Variants in ADAMTS12 observed in about 807,000 individuals in gnomAD.
ADAMTS12 encodes the protein A disintegrin and metalloproteinase with thrombospondin motifs 12.
ADAMTS12 carries 118 observed loss-of-function variants against 167.8 expected under a neutral mutation model. That is an observed-to-expected ratio of 0.70 (90% CI 0.61 to 0.82). ADAMTS12 has a LOEUF of 0.82. ADAMTS12 is among the 40% of genes least tolerant of loss of function. The pLI, the probability that ADAMTS12 is intolerant of heterozygous loss-of-function variation, is 0.00. For missense variants in ADAMTS12, 1,916 were observed against 1,998.8 expected, an observed-to-expected ratio of 0.96 and a Z score of 0.79; for synonymous variants, 704 against 716.9, an observed-to-expected ratio of 0.98 and a Z score of 0.29.
chr5:33,571,191 A>G (rs1297275835), intron 19 of ADAMTS12, among the ~76,000 whole-genome samples: 2 of 152,166 alleles, frequency 1.3e-5, no homozygotes, highest in East Asian at 1.9e-4. Context: ...GATCAACGAG[A>G]CAGAAAGTTA....
chr5:33,563,692 G>A (rs1225740794), intron 19 of ADAMTS12, among the ~76,000 whole-genome samples: 1 of 152,200 alleles, frequency 6.6e-6, no homozygotes, highest in Non-Finnish European at 1.5e-5. Flanking sequence ...ACTGAATGAT[G>A]AGGCAAGTCA....
chr5:33,828,268 A>T (rs1226492143), intron 2 of ADAMTS12, among the ~76,000 whole-genome samples: 1 of 152,180 alleles, frequency 6.6e-6, no homozygotes, highest in Non-Finnish European at 1.5e-5. Flanking sequence ...TATTTTTCTG[A>T]ATCACTGAGT....
chr5:33,799,081 G>T lies in ADAMTS12; in HGVS notation c.490-47533C>A, dbSNP rs2112469438. The stretch of plus-strand genomic sequence containing the variant: ...GGCTCACAGGGCAAATATACAAGCA[G>T]TGGCTCAAGGCAGCGCATGAGGGAT... On this transcript the variant is annotated intron_variant, in intron 2 of 23. Transcript: ENST00000504830. Among the ~76,000 whole-genome samples the T allele has an allele frequency of 2.0e-5, 3 of 152,208 alleles. No homozygotes were observed. The South Asian group carries it at 6.2e-4, about 32-fold the overall frequency.
intron 14 of ADAMTS12, among the ~76,000 whole-genome samples, chr5:33,621,802 T>C (rs539871964): frequency 6.6e-6 from 1 of 152,206 alleles, no homozygotes; most frequent in Non-Finnish European, 1.5e-5. Context: ...GGTGTCTGGT[T>C]CAGATACAAA....
intron 5 of ADAMTS12, among the ~76,000 whole-genome samples, chr5:33,669,365 G>A (rs1239221225): frequency 6.6e-6 from 1 of 152,138 alleles, no homozygotes; most frequent in Non-Finnish European, 1.5e-5. Flanking sequence ...TGTTGCCCAT[G>A]GGGATGGGGA....
At chr5:33,536,674 C>T (rs1263229808) in intron 22 of ADAMTS12, among the ~76,000 whole-genome samples, 1 of 152,184 alleles carries the variant, frequency 6.6e-6, no homozygotes, top group African/African-American at 2.4e-5. Flanking sequence ...CCATTCTTTG[C>T]TATGCACAAT....
intron 2 of ADAMTS12, among the ~76,000 whole-genome samples, chr5:33,817,203 A>C (rs1747693463): frequency 1.3e-5 from 2 of 152,228 alleles, no homozygotes; most frequent in Non-Finnish European, 1.5e-5. Flanking sequence ...AAGAAACTCC[A>C]ATCTTGAAAC....
At chr5:33,669,015 T>A (rs1456060603) in intron 5 of ADAMTS12, among the ~76,000 whole-genome samples, 2 of 152,100 alleles carry the variant, frequency 1.3e-5, no homozygotes, top group Non-Finnish European at 2.9e-5. Context: ...AAAACAATAA[T>A]GAAACATGCA....
Position 33,637,561 on chromosome 5 carries a change from CA to C in ADAMTS12, c.1888+15del, listed in dbSNP as rs772285406. ...GCTGTTCCCTAGATCTGAGATACACCATTACAGCTCCTTACCTGGGTTAAAA... is the reference window on the plus strand; with the variant it reads ...GCTGTTCCCTAGATCTGAGATACACCTTACAGCTCCTTACCTGGGTTAAAA... On this transcript the variant is annotated intron_variant, in intron 12 of 23. Coordinates refer to ENST00000504830, the MANE Select transcript of ADAMTS12 (RefSeq NM_030955.4). The C allele has an allele frequency of 1.2e-6, 2 of 1,610,100 alleles. No homozygotes were observed. Among genetic ancestry groups the C allele is most frequent in the Non-Finnish European group, 1.7e-6 (2 of 1,177,698 alleles).
intron 2 of ADAMTS12, among the ~76,000 whole-genome samples, chr5:33,821,567 C>A (rs1747867626): frequency 6.6e-6 from 1 of 152,176 alleles, no homozygotes; most frequent in Non-Finnish European, 1.5e-5. Context: ...GCCCTCTGAA[C>A]ACTCTTGTCA....
intron 6 of ADAMTS12, among the ~76,000 whole-genome samples, chr5:33,660,788 T>C (rs1188863515): frequency 1.3e-5 from 2 of 152,196 alleles, no homozygotes; most frequent in African/African-American, 2.4e-5. Flanking sequence ...TAGAACCTAA[T>C]GTACCTACTG....
Position 33,588,614 on chromosome 5 carries a change from C to T in ADAMTS12, c.2850G>A (p.Val950=), listed in dbSNP as rs774729144. Residue 950 remains valine, a synonymous_variant, in exon 18 of 24, where the codon GTG becomes GTA. Transcript: ENST00000504830. The part of the protein sequence containing the change: ...RDILCPSDWT[V]GNWSECSVSC... ...CTGAGCTCACCTCACTCCAGTTGCCCACTGTCCAGTCCGAGGGGCACAGGA... is the reference window on the plus strand; with the variant it reads ...CTGAGCTCACCTCACTCCAGTTGCCTACTGTCCAGTCCGAGGGGCACAGGA... 6.2e-7 allele frequency: 1 copy of T among 1,614,036 alleles called. No homozygotes were observed. Among genetic ancestry groups the T allele is most frequent in the African/African-American group, 1.3e-5 (1 of 74,922 alleles).
intron 16 of ADAMTS12, among the ~76,000 whole-genome samples, chr5:33,596,624 G>A (rs773101881): frequency 2.6e-5 from 4 of 152,208 alleles, no homozygotes; most frequent in East Asian, 1.9e-4. Context: ...GAAGGTTGCC[G>A]TGAGCTGAGA....
chr5:33,535,796 T>C (rs544938742), intron 22 of ADAMTS12, among the ~76,000 whole-genome samples: 1 of 151,952 alleles, frequency 6.6e-6, no homozygotes, highest in African/African-American at 2.4e-5. Context: ...GAGATGAACG[T>C]TGGGTAAAAA....
At chr5:33,664,396 G>A (rs1394188578) in intron 5 of ADAMTS12, among the ~76,000 whole-genome samples, 1 of 151,732 alleles carries the variant, frequency 6.6e-6, no homozygotes, top group African/African-American at 2.4e-5. Context: ...TTTTGACAAA[G>A]GTAAAAAAGC....
chr5:33,587,577 C>T (rs1164663933), intron 18 of ADAMTS12, among the ~76,000 whole-genome samples: 5 of 152,206 alleles, frequency 3.3e-5, no homozygotes, highest in Admixed American at 3.3e-4. Flanking sequence ...GCCTCAGCCA[C>T]CCAAGTAGCT....
intron 18 of ADAMTS12, among the ~76,000 whole-genome samples, chr5:33,583,253 T>C (rs1350275851): frequency 6.6e-6 from 1 of 152,214 alleles, no homozygotes; most frequent in Non-Finnish European, 1.5e-5. Flanking sequence ...TGTTTCCCTT[T>C]CTGTGCCTGG....
chr5:33,721,450 G>A (rs193042222), intron 3 of ADAMTS12, among the ~76,000 whole-genome samples: 47 of 152,312 alleles, frequency 3.1e-4, no homozygotes, highest in African/African-American at 1.1e-3. Flanking sequence ...CCAATCATGA[G>A]AGGGACCGTT....
At chr5:33,572,734 G>T (rs1212575108) in intron 19 of ADAMTS12, among the ~76,000 whole-genome samples, 1 of 148,298 alleles carries the variant, frequency 6.7e-6, no homozygotes, top group Non-Finnish European at 1.5e-5. Context: ...ACATAGTGTT[G>T]GAAGTTCTGG....
Sources: allele counts gnomAD v4.1 joint callset (sites outside exome capture counted in the v4.1 genomes callset), GRCh38; gene constraint gnomAD v4.1.1; transcripts MANE v1.5; gene names NCBI Gene and HGNC (gene_info 2026-07-23, HGNC 2026-07-21).